HPSE2: variants seen among roughly 807,000 people sequenced by gnomAD.
HPSE2 encodes inactive heparanase-2.
HPSE2 carries 38 observed loss-of-function variants against 60.5 expected under a neutral mutation model. The observed-to-expected ratio is 0.63, with a 90% confidence interval of 0.48 to 0.82. HPSE2 has a LOEUF of 0.82. Among genes scored for constraint, HPSE2 ranks in the 40% least tolerant of loss-of-function variants. HPSE2 has a pLI of 0.00. For missense variants in HPSE2, 713 were observed against 740.4 expected, an observed-to-expected ratio of 0.96 and a Z score of 0.43; for synonymous variants, 295 against 293.2, an observed-to-expected ratio of 1.01 and a Z score of -0.06.
At chr10:99,028,444 T>C (rs1475113762) in intron 3 of HPSE2, among the ~76,000 whole-genome samples, 4 of 152,160 alleles carry the variant, frequency 2.6e-5, no homozygotes, top group African/African-American at 9.6e-5. Flanking sequence ...GAAAGATAAA[T>C]GTAATAAAAA....
At chr10:98,659,352 A>G (rs1490656598) in intron 6 of HPSE2, among the ~76,000 whole-genome samples, 1 of 152,222 alleles carries the variant, frequency 6.6e-6, no homozygotes, top group Non-Finnish European at 1.5e-5. Context: ...TTGAAAAAAA[A>G]TCCACGTATA....
chr10:99,016,694 C>A (rs191826660), intron 3 of HPSE2, among the ~76,000 whole-genome samples: 4 of 152,204 alleles, frequency 2.6e-5, no homozygotes, highest in African/African-American at 9.6e-5. Context: ...TTTGTGTCAT[C>A]TCTGATTTCT....
At chr10:99,235,991 G>GTTTTTTTTT (rs1171924296), upstream of HPSE2, 1 of 386,656 alleles carries the variant, frequency 2.6e-6, no homozygotes, top group African/African-American at 3.2e-5. Context: ...CGCTCGTTTT[G>GTTTTTTTTT]TTTTTTTCTT....
intron 11 of HPSE2, among the ~76,000 whole-genome samples, chr10:98,473,304 G>A (rs1940856537): frequency 6.6e-6 from 1 of 151,892 alleles, no homozygotes; most frequent in African/African-American, 2.4e-5. Context: ...GACCAACATG[G>A]TGAAACCCCG....
intron 2 of HPSE2, among the ~76,000 whole-genome samples, chr10:99,182,904 G>A (rs1368590029): frequency 1.3e-5 from 2 of 152,022 alleles, no homozygotes; most frequent in Non-Finnish European, 2.9e-5. Flanking sequence ...GCTGAGGCAG[G>A]AGAATGGCGT....
chr10:98,653,001 T>C (rs990666007), intron 6 of HPSE2, among the ~76,000 whole-genome samples: 2 of 152,216 alleles, frequency 1.3e-5, no homozygotes, highest in Non-Finnish European at 2.9e-5. Context: ...GGCTAATAAC[T>C]AATTGGATTC....
chr10:98,482,955 A>G (rs1483935512), intron 10 of HPSE2, among the ~76,000 whole-genome samples, 173 bp from the exon 11 acceptor site: 2 of 152,208 alleles, frequency 1.3e-5, no homozygotes, highest in Non-Finnish European at 2.9e-5. Flanking sequence ...GTTTCTTGCA[A>G]AGATGATAGC....
intron 5 of HPSE2, among the ~76,000 whole-genome samples, chr10:98,718,589 TG>T (rs1948846684): frequency 6.6e-6 from 1 of 152,194 alleles, no homozygotes; most frequent in Non-Finnish European, 1.5e-5. Context: ...TATATACACA[TG>T]GAATACTATT....
In HPSE2 at chr10:99,232,523, A is replaced by G; in HGVS notation, c.291-18T>C. 6.5e-7 allele frequency: 1 copy of G among 1,550,358 alleles called. No homozygotes were observed. Among genetic ancestry groups the G allele is most frequent in the Non-Finnish European group, 8.7e-7 (1 of 1,147,234 alleles). On this transcript the variant is annotated intron_variant, in intron 1 of 11. Transcript: ENST00000370552. Reference sequence around the variant, plus strand: ...GCTTGGAGCTGCAGAGGAAGAGAATAAGAGAGGAAAGGTTCCCAGGACAGG... The same window carrying G: ...GCTTGGAGCTGCAGAGGAAGAGAATGAGAGAGGAAAGGTTCCCAGGACAGG...
At chr10:99,034,877 T>C (rs2496701) in intron 3 of HPSE2, among the ~76,000 whole-genome samples, 2,257 of 152,262 alleles carry the variant, frequency 0.015, 17 homozygotes, top group Middle Eastern at 0.027. Flanking sequence ...TATCTAAACA[T>C]AGAAAAGATA....
At chr10:98,825,093 C>T (rs1589891369) in intron 3 of HPSE2, among the ~76,000 whole-genome samples, 2 of 152,262 alleles carry the variant, frequency 1.3e-5, no homozygotes, top group East Asian at 3.9e-4. Flanking sequence ...CTCAAGTATA[C>T]CTTAAAACCC....
intron 9 of HPSE2, among the ~76,000 whole-genome samples, chr10:98,568,323 A>T (rs1944403464): frequency 6.6e-6 from 1 of 152,190 alleles, no homozygotes; most frequent in Non-Finnish European, 1.5e-5. Context: ...GCAATTGTTA[A>T]TCTATAAAAA....
In HPSE2 at chr10:99,103,623, G is replaced by T. The variant is rs1323754119; in HGVS notation, c.610+40615C>A. Reference sequence around the variant, plus strand: ...ACCAATGACTTTCTTCGCAGAATTGGAAAAAACTACTTTAAAGTTCATATG... The same window carrying T: ...ACCAATGACTTTCTTCGCAGAATTGTAAAAAACTACTTTAAAGTTCATATG... On this transcript the variant is annotated intron_variant, in intron 3 of 11. Transcript: ENST00000370552. Among the ~76,000 whole-genome samples, 7 of 152,226 alleles carry T rather than the reference G, an allele frequency of 4.6e-5. No individual in the cohort carries two copies. The East Asian group carries it at 1.4e-3, about 29-fold the overall frequency.
At chr10:99,050,192 C>T (rs1241098827) in intron 3 of HPSE2, among the ~76,000 whole-genome samples, 1 of 151,994 alleles carries the variant, frequency 6.6e-6, no homozygotes, top group Non-Finnish European at 1.5e-5. Context: ...ATCCCAGTTA[C>T]TTGGGAGGCT....
chr10:98,473,056 CTTTT>C (rs926602907), intron 11 of HPSE2, among the ~76,000 whole-genome samples: 1 of 152,024 alleles, frequency 6.6e-6, no homozygotes, highest in African/African-American at 2.4e-5. Flanking sequence ...CATAAGAATA[CTTTT>C]TTTATTATGG....
At chr10:99,262,956 C>G in the HPSE2 span, among the ~76,000 whole-genome samples, 1 of 152,190 alleles carries the variant, frequency 6.6e-6, no homozygotes, top group Non-Finnish European at 1.5e-5. Flanking sequence ...TTCTTTGTTA[C>G]ACACAGCCGA....
chr10:99,020,446 T>C (rs2135424126), intron 3 of HPSE2, among the ~76,000 whole-genome samples: 1 of 152,366 alleles, frequency 6.6e-6, no homozygotes, highest in East Asian at 1.9e-4. Flanking sequence ...AGCCCAGTTC[T>C]CTTTTACTCT....
intron 3 of HPSE2, among the ~76,000 whole-genome samples, chr10:98,825,622 G>A (rs1406284913): frequency 2.0e-5 from 3 of 150,048 alleles, no homozygotes; most frequent in Admixed American, 1.3e-4. Context: ...GGGGGGCGGG[G>A]GTGGGGGAGG....
the HPSE2 span, among the ~76,000 whole-genome samples, chr10:99,265,949 G>T: frequency 6.6e-6 from 1 of 152,202 alleles, no homozygotes; most frequent in East Asian, 1.9e-4. Flanking sequence ...AAATACAGGG[G>T]TAGAAGAAGC....
Sources: allele counts gnomAD v4.1 joint callset (sites outside exome capture counted in the v4.1 genomes callset), GRCh38; gene constraint gnomAD v4.1.1; transcripts MANE v1.5; gene names NCBI Gene and HGNC (gene_info 2026-07-23, HGNC 2026-07-21).